Variants in GALM observed in about 807,000 individuals in gnomAD.
The protein encoded by GALM is galactose mutarotase, also known as aldose 1-epimerase.
GALM carries 43 observed loss-of-function variants against 37.4 expected under a neutral mutation model. The ratio of observed to expected loss-of-function variants is 1.15; its 90% confidence interval spans 0.90 to 1.48. The LOEUF is 1.48. Among genes scored for constraint, GALM ranks in the 40% most tolerant of loss-of-function variants. The pLI is 0.00. For synonymous variants in GALM, 199 were observed against 170.6 expected (o/e 1.17, Z -1.30); for missense variants, 456 against 419.1 (o/e 1.09, Z -0.77).
At chr2:38,723,398 G>A (rs1032757948) in intron 4 of GALM, among the ~76,000 whole-genome samples, 2 of 152,194 alleles carry the variant, frequency 1.3e-5, no homozygotes, top group African/African-American at 4.8e-5. Context: ...AGTTTCACCT[G>A]CTGCTGTCAC....
chr2:38,732,916 CT>C (rs1294681128), intron 6 of GALM, among the ~76,000 whole-genome samples: 1 of 126,664 alleles, frequency 7.9e-6, no homozygotes. Flanking sequence ...GAGACCCTGT[CT>C]TTAAAAAAAA....
intron 4 of GALM, among the ~76,000 whole-genome samples, chr2:38,724,751 G>A (rs1289226953): frequency 6.6e-6 from 1 of 152,056 alleles, no homozygotes; most frequent in Admixed American, 6.6e-5. Flanking sequence ...TGTTCTATAT[G>A]GTAGCCTGAA....
chr2:38,726,156 T>G (rs1331117621), intron 4 of GALM, among the ~76,000 whole-genome samples: 1 of 152,106 alleles, frequency 6.6e-6, no homozygotes, highest in African/African-American at 2.4e-5. Context: ...TTAGAGGATG[T>G]AAAGCAACCT....
Position 38,690,649 on chromosome 2 carries a change from T to C in GALM, c.634+755T>C, listed in dbSNP as rs868166478. Among the ~76,000 whole-genome samples, 8 of 152,174 alleles carry C rather than the reference T, an allele frequency of 5.3e-5. No individual in the cohort carries two copies. In the South Asian group the frequency reaches 6.2e-4, roughly 12 times the overall value. On this transcript the variant is annotated intron_variant, in intron 4 of 6. Coordinates refer to ENST00000272252, the MANE Select transcript of GALM (RefSeq NM_138801.3). Reference sequence around the variant, plus strand: ...TGTTTTACCACGTTGCCCAGGCTGGTCTCAAACTCCTGGACTCAAGCAATC... The same window carrying C: ...TGTTTTACCACGTTGCCCAGGCTGGCCTCAAACTCCTGGACTCAAGCAATC...
At chr2:38,686,370 A>T (rs940877455) in intron 3 of GALM, among the ~76,000 whole-genome samples, 7 of 151,552 alleles carry the variant, frequency 4.6e-5, no homozygotes, top group Admixed American at 3.3e-4. Flanking sequence ...GGTTCACGAC[A>T]TTCTCCTGCC....
chr2:38,687,644 G>A (rs1665568792), intron 3 of GALM, among the ~76,000 whole-genome samples: 1 of 151,740 alleles, frequency 6.6e-6, no homozygotes, highest in Non-Finnish European at 1.5e-5. Context: ...CCTGGAAGTG[G>A]AGGTTGCAGT....
intron 4 of GALM, among the ~76,000 whole-genome samples, chr2:38,698,030 G>A (rs868024589): frequency 1.8e-4 from 27 of 151,552 alleles, no homozygotes; most frequent in Admixed American, 1.4e-3. Flanking sequence ...TGCAGCCTCC[G>A]CCTTCCGGGT....
chr2:38,718,790 C>G (rs1277703993), intron 4 of GALM, among the ~76,000 whole-genome samples: 3 of 151,784 alleles, frequency 2.0e-5, no homozygotes, highest in African/African-American at 7.3e-5. Context: ...ACGACTCTTA[C>G]AGCATCATTA....
intron 1 of GALM, among the ~76,000 whole-genome samples, chr2:38,671,938 A>G (rs13024705): frequency 0.35 from 53,234 of 151,948 alleles, 9,748 homozygotes; most frequent in South Asian, 0.47. Context: ...ATGAGCCGTG[A>G]TGGCACCACT....
intron 4 of GALM, among the ~76,000 whole-genome samples, chr2:38,713,124 G>A (rs1449025736): frequency 6.6e-6 from 1 of 152,140 alleles, no homozygotes; most frequent in Non-Finnish European, 1.5e-5. Context: ...GGAGGCCCTG[G>A]GTCTGCCATC....
chr2:38,680,257 A>G (rs1665363171), intron 2 of GALM: 3 of 256,192 alleles, frequency 1.2e-5, no homozygotes, highest in South Asian at 1.0e-4. Context: ...CCTGAGCTCA[A>G]GCGATCCTCC....
chr2:38,669,935 T>G (rs1429562164), intron 1 of GALM, among the ~76,000 whole-genome samples: 4 of 146,314 alleles, frequency 2.7e-5, no homozygotes, highest in Non-Finnish European at 6.0e-5. Context: ...CTATCTCGGC[T>G]CACTGCAGCC....
At chr2:38,694,758 G>A (rs959986020) in intron 4 of GALM, among the ~76,000 whole-genome samples, 2 of 151,872 alleles carry the variant, frequency 1.3e-5, no homozygotes, top group South Asian at 2.1e-4. Context: ...TTAGCCAGGC[G>A]TGGTGGCAGG....
chr2:38,713,142 G>T (rs1468224883), intron 4 of GALM, among the ~76,000 whole-genome samples: 2 of 152,154 alleles, frequency 1.3e-5, no homozygotes, highest in Admixed American at 6.5e-5. Context: ...ATCAGCATGG[G>T]CTCCCTAATC....
At chr2:38,676,114 A>C in intron 2 of GALM, 48 bp downstream of exon 2, 1 of 1,591,134 alleles carries the variant, frequency 6.3e-7, no homozygotes, top group Non-Finnish European at 8.6e-7. Context: ...CACTTTACGC[A>C]TACCTTCTGC....
At chr2:38,696,781 CTTTTTTTTTTTTT>C (rs34163863) in intron 4 of GALM, among the ~76,000 whole-genome samples, 1 of 68,474 alleles carries the variant, frequency 1.5e-5, no homozygotes, top group African/African-American at 6.6e-5. Flanking sequence ...CCCAAGAAAG[CTTTTTTTTTTTTT>C]TTTTTTTTTT....
chr2:38,698,090 C>T (rs560747522), intron 4 of GALM, among the ~76,000 whole-genome samples: 4 of 152,050 alleles, frequency 2.6e-5, no homozygotes, highest in Middle Eastern at 3.4e-3. Context: ...ACTACAGGTG[C>T]GCACCACCAC....
chr2:38,731,783 G>T lies in GALM; in HGVS notation c.825G>T (p.Gln275His). 1 of 1,614,052 alleles carries T rather than the reference G, an allele frequency of 6.2e-7. No homozygotes were observed. Among genetic ancestry groups the T allele is most frequent in the Non-Finnish European group, 8.5e-7 (1 of 1,179,984 alleles). Residue 275 changes from glutamine (Q) to histidine (H), a missense_variant, in exon 6 of 7, where the codon CAG becomes CAT. Transcript: ENST00000272252. ...SGRVLEVYTT[Q>H]PGVQFYTGNF... The stretch of plus-strand genomic sequence containing the variant: ...GGGTACTAGAAGTATACACCACCCA[G>T]CCCGGGGTCCAGTTTTACACGGGCA...
intron 4 of GALM, among the ~76,000 whole-genome samples, chr2:38,703,052 TTTTA>T (rs1477681613): frequency 6.3e-5 from 2 of 31,656 alleles, no homozygotes; most frequent in African/African-American, 2.1e-4. Flanking sequence ...ATATGTGGGA[TTTTA>T]TATATATATA....
Sources: gnomAD v4.1 joint callset for allele counts (sites outside exome capture counted in the v4.1 genomes callset) on GRCh38, gnomAD v4.1.1 for gene constraint, MANE v1.5 for transcripts, NCBI Gene and HGNC (gene_info 2026-07-23, HGNC 2026-07-21) for gene names.